Variants in MSRA observed in about 807,000 individuals in gnomAD.
MSRA encodes the protein mitochondrial peptide methionine sulfoxide reductase.
MSRA carries 54 observed loss-of-function variants against 31.3 expected under a neutral mutation model. That is an observed-to-expected ratio of 1.73 (90% confidence interval 1.39 to 2.17). The LOEUF (loss-of-function observed/expected upper bound fraction) is 2.17. Among genes scored for constraint, MSRA ranks in the 30% most tolerant of loss-of-function variants. The pLI, the probability that MSRA is intolerant of heterozygous loss-of-function variation, is 0.00. For missense variants in MSRA, 507 were observed against 300.9 expected, an observed-to-expected ratio of 1.69 and a Z score of -5.07; for synonymous variants, 169 against 116.5, an observed-to-expected ratio of 1.45 and a Z score of -2.90.
chr8:10,096,026 T>C, intron 1 of MSRA: 2 of 1,460,394 alleles, frequency 1.4e-6, no homozygotes, highest in Non-Finnish European at 1.8e-6. Context: ...AAGACATCCT[T>C]CGGAATGTGT....
intron 1 of MSRA, among the ~76,000 whole-genome samples, chr8:10,194,152 C>T (rs1207872672): frequency 5.3e-5 from 8 of 152,258 alleles, no homozygotes; most frequent in Admixed American, 4.6e-4. Context: ...TCACTCTCCC[C>T]CTCTCTCCTC....
At chr8:10,258,201 A>G (rs531673489) in intron 3 of MSRA, among the ~76,000 whole-genome samples, 72 of 152,304 alleles carry the variant, frequency 4.7e-4, no homozygotes, top group Non-Finnish European at 7.4e-4. Context: ...GCCAGAATGG[A>G]CGCAGGGACA....
chr8:10,267,972 C>A (rs1224295822), intron 3 of MSRA, among the ~76,000 whole-genome samples: 1 of 152,182 alleles, frequency 6.6e-6, no homozygotes, highest in African/African-American at 2.4e-5. Flanking sequence ...ACATTCATTC[C>A]CCTTGCATAT....
At chr8:10,160,736 G>T (rs1297014349) in intron 1 of MSRA, among the ~76,000 whole-genome samples, 1 of 151,906 alleles carries the variant, frequency 6.6e-6, no homozygotes, top group Admixed American at 6.6e-5. Context: ...CACCATCTTG[G>T]CCAGGCAGAT....
Position 10,054,569 on chromosome 8 carries a change from T to C in MSRA, c.53T>C (p.Phe18Ser), listed in dbSNP as rs755344626. 1.9e-6 allele frequency: 3 copies of C among 1,587,084 alleles called. No homozygotes were observed. Among genetic ancestry groups the C allele is most frequent in the Non-Finnish European group, 2.6e-6 (3 of 1,166,942 alleles). Residue 18 changes from phenylalanine (F) to serine (S), a missense_variant, in exon 1 of 6, where the codon TTT (phenylalanine) becomes TCT (serine). Coordinates refer to ENST00000317173, the MANE Select transcript of MSRA (RefSeq NM_012331.5). The stretch of plus-strand genomic sequence containing the variant: ...CAGCTCCTCCTCCTCCACAGCCTCT[T>C]TCCCGTCCCGAGGATGGGCAACTCG... ...ACQLLLLHSL[F>S]PVPRMGNSAS... is the part of the protein sequence containing the mutation.
chr8:10,179,626 T>G (rs927168970), intron 1 of MSRA, among the ~76,000 whole-genome samples: 1 of 152,202 alleles, frequency 6.6e-6, no homozygotes, highest in African/African-American at 2.4e-5. Context: ...CAGCCCTGAA[T>G]CGACCCAGCT....
At chr8:10,145,581 C>T (rs746633380) in intron 1 of MSRA, among the ~76,000 whole-genome samples, 11 of 152,180 alleles carry the variant, frequency 7.2e-5, no homozygotes, top group Non-Finnish European at 1.5e-4. Context: ...GGGTGGCCTT[C>T]TTGTACTTTT....
At chr8:10,342,569 T>C (rs1281147950) in intron 5 of MSRA, among the ~76,000 whole-genome samples, 2 of 152,218 alleles carry the variant, frequency 1.3e-5, no homozygotes, top group African/African-American at 4.8e-5. Flanking sequence ...CCCAACCCTG[T>C]TCGTCTGCCT....
At chr8:10,179,093 A>G (rs1230699825) in intron 1 of MSRA, among the ~76,000 whole-genome samples, 1 of 152,188 alleles carries the variant, frequency 6.6e-6, no homozygotes, top group Admixed American at 6.5e-5. Context: ...CAGTTCACTG[A>G]TGACTATGGT....
intron 5 of MSRA, among the ~76,000 whole-genome samples, chr8:10,424,304 G>T (rs1281094273): frequency 2.0e-5 from 3 of 152,232 alleles, no homozygotes; most frequent in Non-Finnish European, 2.9e-5. Context: ...GTAGAAGATG[G>T]TGAGGGAGAC....
At chr8:10,199,457 C>A (rs1189993943) in intron 1 of MSRA, among the ~76,000 whole-genome samples, 1 of 152,094 alleles carries the variant, frequency 6.6e-6, no homozygotes, top group Non-Finnish European at 1.5e-5. Flanking sequence ...GTAGCTGGGA[C>A]TACAAATGCG....
intron 1 of MSRA, among the ~76,000 whole-genome samples, chr8:10,192,016 G>C (rs1807551702): frequency 6.6e-6 from 1 of 152,062 alleles, no homozygotes; most frequent in Admixed American, 6.5e-5. Flanking sequence ...GTTTTCTGGG[G>C]CTCATTCACA....
intron 4 of MSRA, among the ~76,000 whole-genome samples, chr8:10,318,276 G>A (rs888645236): frequency 6.6e-6 from 1 of 152,132 alleles, no homozygotes; most frequent in Non-Finnish European, 1.5e-5. Context: ...TGTCAAAGAG[G>A]GTTAAGAATA....
chr8:10,275,532 A>G (rs1255163613), intron 3 of MSRA, among the ~76,000 whole-genome samples: 1 of 152,226 alleles, frequency 6.6e-6, no homozygotes, highest in South Asian at 2.1e-4. Flanking sequence ...CATTGGTGAA[A>G]TAAGTAGCAA....
chr8:10,400,780 T>C (rs1212678134), intron 5 of MSRA, among the ~76,000 whole-genome samples: 1 of 152,212 alleles, frequency 6.6e-6, no homozygotes, highest in Non-Finnish European at 1.5e-5. Flanking sequence ...TTTCAACAGA[T>C]GGTGCTGGGA....
intron 1 of MSRA, among the ~76,000 whole-genome samples, chr8:10,109,843 A>C (rs1216385339): frequency 6.6e-6 from 1 of 152,204 alleles, no homozygotes; most frequent in Non-Finnish European, 1.5e-5. Flanking sequence ...ACAGTGATCA[A>C]GTGATACCAC....
chr8:10,335,660 G>C (rs551352328), intron 5 of MSRA, among the ~76,000 whole-genome samples: 1 of 152,258 alleles, frequency 6.6e-6, no homozygotes, highest in South Asian at 2.1e-4. Flanking sequence ...TTCGGCTGGC[G>C]ACTTGGGTTC....
At chr8:10,064,919 A>G (rs1449923794) in intron 1 of MSRA, among the ~76,000 whole-genome samples, 7 of 152,122 alleles carry the variant, frequency 4.6e-5, no homozygotes, top group Non-Finnish European at 7.4e-5. Context: ...CGTGGGGAAA[A>G]TGAGACCTGA....
intron 5 of MSRA, among the ~76,000 whole-genome samples, chr8:10,369,455 G>A (rs1035050032): frequency 1.3e-5 from 2 of 152,282 alleles, no homozygotes; most frequent in East Asian, 1.9e-4. Context: ...CAAACAAAAT[G>A]CCATCTACAG....
Sources: gnomAD v4.1 joint callset for allele counts (sites outside exome capture counted in the v4.1 genomes callset) on GRCh38, gnomAD v4.1.1 for gene constraint, MANE v1.5 for transcripts, NCBI Gene and HGNC (gene_info 2026-07-23, HGNC 2026-07-21) for gene names.